The following TRPM3 variants were observed in gnomAD, a reference collection of about 807,000 sequenced individuals.
TRPM3 encodes the protein long transient receptor potential channel 3.
A neutral mutation model predicts 181.2 loss-of-function variants in TRPM3; 77 were observed. The observed-to-expected ratio is 0.42, with a 90% CI of 0.35 to 0.51. TRPM3 has a LOEUF of 0.51. Among genes scored for constraint, TRPM3 ranks in the 20% least tolerant of loss-of-function variants. The pLI, the probability that TRPM3 is intolerant of heterozygous loss-of-function variation, is 0.01. For missense variants in TRPM3, 1,759 were observed against 2,196.7 expected, an observed-to-expected ratio of 0.80 and a Z score of 3.98; for synonymous variants, 745 against 796.4, an observed-to-expected ratio of 0.94 and a Z score of 1.09.
At chr9:70,924,167 C>G (rs2096695211) in intron 1 of TRPM3, among the ~76,000 whole-genome samples, 1 of 151,942 alleles carries the variant, frequency 6.6e-6, no homozygotes, top group Admixed American at 6.6e-5. Flanking sequence ...AGAGATGCTG[C>G]TAAACATCAT....
At chr9:70,946,438 A>G (rs555276946) in intron 1 of TRPM3, among the ~76,000 whole-genome samples, 45 of 149,874 alleles carry the variant, frequency 3.0e-4, no homozygotes, top group Admixed American at 2.3e-3. Flanking sequence ...AAATGGTAAT[A>G]ATAATAATAA....
intron 1 of TRPM3, among the ~76,000 whole-genome samples, chr9:71,363,450 A>G (rs1040668567): frequency 7.2e-5 from 11 of 152,214 alleles, no homozygotes; most frequent in Non-Finnish European, 1.3e-4. Flanking sequence ...AGCCTTTATC[A>G]TTCCAGTGTT....
chr9:70,834,073 G>A (rs2094137662), intron 5 of TRPM3, among the ~76,000 whole-genome samples: 1 of 152,324 alleles, frequency 6.6e-6, no homozygotes, highest in East Asian at 1.9e-4. Flanking sequence ...TTCCCACTCA[G>A]GCACCTTGGC....
At chr9:70,545,913 T>A (rs1306117604) in intron 25 of TRPM3, among the ~76,000 whole-genome samples, 1 of 152,216 alleles carries the variant, frequency 6.6e-6, no homozygotes, top group Non-Finnish European at 1.5e-5. Context: ...AGGCAGTTTC[T>A]TCTCTTTTCC....
intron 6 of TRPM3, chr9:70,825,398 G>A (rs551117835): frequency 1.3e-5 from 2 of 152,166 alleles, no homozygotes; most frequent in Admixed American, 1.3e-4. Context: ...TCTCTATGAA[G>A]CCACAAATAC....
intron 1 of TRPM3, among the ~76,000 whole-genome samples, chr9:71,335,195 CTGGAGTTAGCTCTCCTCCCTAGCAA>C: frequency 6.6e-6 from 1 of 152,090 alleles, no homozygotes; most frequent in Non-Finnish European, 1.5e-5. Context: ...TCTTGGAGAC[CTGGAGTTAGCTCTCCTCCCTAGCAA>C]GATTTTCTAT....
intron 21 of TRPM3, among the ~76,000 whole-genome samples, chr9:70,592,143 AT>A (rs1012271028): frequency 6.6e-6 from 1 of 151,956 alleles, no homozygotes; most frequent in African/African-American, 2.4e-5. Flanking sequence ...ATAACTATTG[AT>A]TTTTTTTCTG....
At chr9:71,031,975 T>TATATATATATATTATATA (rs1554806590) in intron 1 of TRPM3, among the ~76,000 whole-genome samples, 2 of 7,940 alleles carry the variant, frequency 2.5e-4, no homozygotes, top group Non-Finnish European at 3.3e-4. Flanking sequence ...ATATATATTA[T>TATATATATATATTATATA]ATATATATAT....
intron 1 of TRPM3, among the ~76,000 whole-genome samples, chr9:71,413,876 C>A: frequency 6.8e-6 from 1 of 147,116 alleles, no homozygotes; most frequent in Non-Finnish European, 1.5e-5. Context: ...TTTTTTTAAA[C>A]TACCCAGTCT....
chr9:71,183,532 C>T (rs1302105605), intron 1 of TRPM3, among the ~76,000 whole-genome samples: 2 of 152,088 alleles, frequency 1.3e-5, no homozygotes, highest in Non-Finnish European at 2.9e-5. Context: ...AGTACAGTTG[C>T]ACTGCATAAT....
In TRPM3 at chr9:71,375,240, C is replaced by T. The variant is rs528272462; in HGVS notation, c.183+71413G>A. Among the ~76,000 whole-genome samples the T allele has an allele frequency of 4.6e-5, 7 of 152,194 alleles. No individual in the cohort carries two copies. The East Asian group carries it at 5.8e-4, about 13-fold the overall frequency. On this transcript the variant is annotated intron_variant, in intron 1 of 24. Transcript: ENST00000357533. ...CACATATCTACAACCAGCTGATCTT[C>T]GACAAATCTGACTTAAACAAGCAAT...
upstream of TRPM3, chr9:71,446,920 C>T (rs951284613): frequency 3.0e-6 from 4 of 1,331,034 alleles, no homozygotes; most frequent in African/African-American, 1.5e-5. Context: ...CTCCAGCCTG[C>T]GCGCGGCTCT....
intron 1 of TRPM3, among the ~76,000 whole-genome samples, chr9:71,256,125 T>C (rs558551451): frequency 1.3e-5 from 2 of 152,338 alleles, no homozygotes; most frequent in East Asian, 3.9e-4. Flanking sequence ...GAGAAAGTAG[T>C]AAGTAATCTT....
intron 22 of TRPM3, among the ~76,000 whole-genome samples, chr9:70,578,111 A>C (rs2054539069): frequency 6.6e-6 from 1 of 152,148 alleles, no homozygotes; most frequent in South Asian, 2.1e-4. Flanking sequence ...AACTGTTTTC[A>C]ATTTGGTTCA....
chr9:70,681,094 T>G (rs981599583), intron 9 of TRPM3, among the ~76,000 whole-genome samples: 2 of 151,976 alleles, frequency 1.3e-5, no homozygotes, highest in Admixed American at 1.3e-4. Flanking sequence ...TATACTATTG[T>G]GTGTGTTAAG....
chr9:70,549,779 G>C, intron 24 of TRPM3, 105 bp from the exon 25 acceptor site: 1 of 1,222,538 alleles, frequency 8.2e-7, no homozygotes, highest in Non-Finnish European at 1.1e-6. Flanking sequence ...GGTGGGAAAA[G>C]GGGCCTAGAT....
At chr9:71,210,996 C>T (rs2079462387) in intron 1 of TRPM3, among the ~76,000 whole-genome samples, 1 of 152,182 alleles carries the variant, frequency 6.6e-6, no homozygotes, top group Admixed American at 6.5e-5. Context: ...CCTCTTTTAA[C>T]TTTTATCACC....
chr9:70,903,163 T>G (rs2096410353), intron 1 of TRPM3, among the ~76,000 whole-genome samples: 1 of 152,246 alleles, frequency 6.6e-6, no homozygotes, highest in African/African-American at 2.4e-5. Flanking sequence ...TTCTTTCCTG[T>G]GTTGAAACGT....
Position 70,784,188 on chromosome 9 carries a change from A to T in TRPM3, c.1065T>A (p.Pro355=). The change falls in exon 7 of 26, where the codon CCT becomes CCA. Residue 355 remains proline (P), a synonymous_variant. Coordinates refer to ENST00000677713, the MANE Select transcript of TRPM3 (RefSeq NM_001366145.2). ...CATCACAGACAACCACTGGCACGGG[A>T]GGGGTGTCTCGAAGGTACTCCAAAA... ...SIVLEYLRDT[P]PVPVVVCDGS... 1 of 1,613,774 alleles carries T rather than the reference A, an allele frequency of 6.2e-7. No individual in the cohort carries two copies. Among genetic ancestry groups the T allele is most frequent in the South Asian group, 1.1e-5 (1 of 91,066 alleles).
Sources: allele counts gnomAD v4.1 joint callset (sites outside exome capture counted in the v4.1 genomes callset), GRCh38; gene constraint gnomAD v4.1.1; transcripts MANE v1.5; gene names NCBI Gene and HGNC (gene_info 2026-07-23, HGNC 2026-07-21).